PLXDC2: variants seen among roughly 807,000 people sequenced by gnomAD.
PLXDC2 encodes plexin domain containing 2, also known as plexin domain-containing protein 2.
Under a neutral mutation model 68.9 loss-of-function variants are expected in PLXDC2, and 40 were observed. The observed-to-expected ratio is 0.58, with a 90% CI of 0.45 to 0.76. PLXDC2 has a LOEUF of 0.76. PLXDC2 is among the 30% of genes least tolerant of loss of function. PLXDC2 has a pLI of 0.00. For missense variants in PLXDC2, 644 were observed against 661.9 expected (o/e 0.97, Z 0.30); for synonymous variants, 243 against 234.2 (o/e 1.04, Z -0.34).
chr10:19,972,912 T>A (rs1027765000), intron 1 of PLXDC2, among the ~76,000 whole-genome samples: 7 of 152,230 alleles, frequency 4.6e-5, no homozygotes, highest in Non-Finnish European at 1.0e-4. Context: ...CTACATGTAG[T>A]GAATAATCAG....
At chr10:20,122,004 T>C (rs1292673601) in intron 4 of PLXDC2, among the ~76,000 whole-genome samples, 1 of 151,632 alleles carries the variant, frequency 6.6e-6, no homozygotes, top group Admixed American at 6.6e-5. Flanking sequence ...CTTATACTTG[T>C]GGGTTAAGGT....
chr10:20,016,412 T>G (rs1835211924), intron 2 of PLXDC2, among the ~76,000 whole-genome samples: 1 of 152,186 alleles, frequency 6.6e-6, no homozygotes, highest in African/African-American at 2.4e-5. Context: ...AGTCTGACAT[T>G]TTTACTTGAC....
At chr10:20,076,907 C>G (rs1277194135) in intron 4 of PLXDC2, among the ~76,000 whole-genome samples, 1 of 152,154 alleles carries the variant, frequency 6.6e-6, no homozygotes, top group East Asian at 1.9e-4. Flanking sequence ...TGTCTGGAAA[C>G]CTTACAAAAT....
intron 6 of PLXDC2, among the ~76,000 whole-genome samples, chr10:20,148,642 A>T (rs1180314194): frequency 6.6e-6 from 1 of 152,226 alleles, no homozygotes; most frequent in East Asian, 1.9e-4. Flanking sequence ...AAGTTCCAGG[A>T]ACTACAAATG....
intron 3 of PLXDC2, among the ~76,000 whole-genome samples, chr10:20,066,881 G>T (rs956323875): frequency 4.6e-5 from 7 of 152,240 alleles, no homozygotes; most frequent in Non-Finnish European, 8.8e-5. Context: ...GAATTTTAAT[G>T]TAATAGCCTG....
intron 13 of PLXDC2, among the ~76,000 whole-genome samples, chr10:20,265,287 A>G (rs1381448661): frequency 1.3e-5 from 2 of 152,256 alleles, no homozygotes; most frequent in Non-Finnish European, 2.9e-5. Context: ...AAGACATCAT[A>G]CAAGCACTGG....
At chr10:20,256,110 C>CT (rs968631381) in intron 13 of PLXDC2, among the ~76,000 whole-genome samples, 5 of 150,614 alleles carry the variant, frequency 3.3e-5, no homozygotes, top group African/African-American at 7.3e-5. Context: ...TTCTATTCAA[C>CT]TTTTTTTTTG....
chr10:19,963,636 A>G (rs891965616), intron 1 of PLXDC2, among the ~76,000 whole-genome samples: 1 of 152,080 alleles, frequency 6.6e-6, no homozygotes, highest in Non-Finnish European at 1.5e-5. Flanking sequence ...GAATTGAACA[A>G]TGAGAACACA....
intron 9 of PLXDC2, among the ~76,000 whole-genome samples, chr10:20,193,660 A>G (rs1704547760): frequency 2.6e-5 from 4 of 152,082 alleles, no homozygotes. Flanking sequence ...CTGAAATTCT[A>G]AGTCAGTTTC....
intron 1 of PLXDC2, among the ~76,000 whole-genome samples, chr10:19,951,203 A>G (rs1045172428): frequency 6.6e-6 from 1 of 152,150 alleles, no homozygotes; most frequent in African/African-American, 2.4e-5. Flanking sequence ...GAATACCCAG[A>G]CAACCTACAA....
chr10:20,145,638 T>C (rs1564332051), intron 5 of PLXDC2, among the ~76,000 whole-genome samples: 2 of 152,098 alleles, frequency 1.3e-5, no homozygotes, highest in African/African-American at 4.8e-5. Flanking sequence ...CAACCTCCGC[T>C]TCCCGGGTTC....
rs973375272 is a variant in PLXDC2, at chr10:20,246,330, G to A, written c.1473+825G>A. On this transcript the variant is annotated intron_variant, in intron 13 of 13. Transcript: ENST00000377252. ...GTCCTCCAGAAGGTTGGGTTTCCTG[G>A]GCCCCATGCATATGCAGGTTTTTTT... Among the ~76,000 whole-genome samples, 4 of 152,164 alleles carry A rather than the reference G, an allele frequency of 2.6e-5. No individual in the cohort carries two copies. In the South Asian group the frequency reaches 8.3e-4, roughly 32 times the overall value.
At chr10:19,940,770 A>G (rs965810878) in intron 1 of PLXDC2, among the ~76,000 whole-genome samples, 1 of 152,218 alleles carries the variant, frequency 6.6e-6, no homozygotes, top group African/African-American at 2.4e-5. Flanking sequence ...TAAATATTTC[A>G]TGAGAAGGAA....
At chr10:19,869,743 T>C (rs1837497941) in intron 1 of PLXDC2, among the ~76,000 whole-genome samples, 1 of 152,162 alleles carries the variant, frequency 6.6e-6, no homozygotes, top group Admixed American at 6.5e-5. Flanking sequence ...GTAATAACAA[T>C]GCTAGAACCA....
At position 20,160,595 on chromosome 10, in the gene PLXDC2, A is replaced by C. The variant is rs915296897; in HGVS notation, c.784-3873A>C. Among the ~76,000 whole-genome samples, 5 of 152,320 alleles carry C rather than the reference A, an allele frequency of 3.3e-5. No homozygotes were observed. The East Asian group carries it at 9.6e-4, about 29-fold the overall frequency. ...GTCAGTTATATATCAGATAATTTTCAGTGATAGAAAACTCAGTACACCGTG... is the reference window on the plus strand; with the variant it reads ...GTCAGTTATATATCAGATAATTTTCCGTGATAGAAAACTCAGTACACCGTG... On this transcript the variant is annotated intron_variant, in intron 6 of 13. Coordinates refer to ENST00000377252, the MANE Select transcript of PLXDC2 (RefSeq NM_032812.9).
intron 3 of PLXDC2, among the ~76,000 whole-genome samples, chr10:20,058,523 A>G (rs1253305129): frequency 6.6e-6 from 1 of 152,208 alleles, no homozygotes; most frequent in Non-Finnish European, 1.5e-5. Context: ...TTAAAGCAAT[A>G]CCTAGCATAG....
At chr10:20,161,084 T>C (rs1834284776) in intron 6 of PLXDC2, among the ~76,000 whole-genome samples, 1 of 152,200 alleles carries the variant, frequency 6.6e-6, no homozygotes, top group African/African-American at 2.4e-5. Context: ...TATTGGCTAT[T>C]TGACTTTTAA....
chr10:19,923,781 T>C (rs1833498412), intron 1 of PLXDC2, among the ~76,000 whole-genome samples: 1 of 152,194 alleles, frequency 6.6e-6, no homozygotes, highest in South Asian at 2.1e-4. Flanking sequence ...CAGTATATAA[T>C]TTGGCCAGTC....
chr10:19,949,280 T>G (rs2131405141), intron 1 of PLXDC2, among the ~76,000 whole-genome samples: 1 of 152,282 alleles, frequency 6.6e-6, no homozygotes, highest in Non-Finnish European at 1.5e-5. Context: ...ATACTCATTC[T>G]TGGGTGTTTG....
Sources: gnomAD v4.1 joint callset for allele counts (sites outside exome capture counted in the v4.1 genomes callset) on GRCh38, gnomAD v4.1.1 for gene constraint, MANE v1.5 for transcripts, NCBI Gene and HGNC (gene_info 2026-07-23, HGNC 2026-07-21) for gene names.